Variants in HSDL2 observed in about 807,000 individuals in gnomAD.
HSDL2 encodes hydroxysteroid dehydrogenase like 2.
Under a neutral mutation model 46.3 loss-of-function variants are expected in HSDL2, and 27 were observed. The ratio of observed to expected loss-of-function variants is 0.58; its 90% CI spans 0.43 to 0.80. The LOEUF (loss-of-function observed/expected upper bound fraction) is 0.80. Ranked by LOEUF, HSDL2 falls within the 30% of genes least tolerant of loss-of-function variation. The pLI, the probability that HSDL2 is intolerant of heterozygous loss-of-function variation, is 0.00. For synonymous variants in HSDL2, 153 were observed against 163.6 expected, an observed-to-expected ratio of 0.94 and a Z score of 0.50; for missense variants, 451 against 502.7, an observed-to-expected ratio of 0.90 and a Z score of 0.98.
At chr9:112,438,339 A>C in intron 6 of HSDL2, 92 bp from the exon 7 acceptor site, 1 of 836,222 alleles carries the variant, frequency 1.2e-6, no homozygotes, top group Non-Finnish European at 1.7e-6. Context: ...TAGCCTTGAT[A>C]ATTGTGAAGG....
intron 10 of HSDL2, 130 bp downstream of exon 10, chr9:112,459,707 G>T (rs966124264): frequency 1.3e-6 from 1 of 758,314 alleles, no homozygotes; most frequent in Non-Finnish European, 2.1e-6. Context: ...TTTTGGGAAG[G>T]CTGTTCTTAC....
At chr9:112,417,477 TAAAA>T (rs71491043) in intron 5 of HSDL2, among the ~76,000 whole-genome samples, 3 of 111,106 alleles carry the variant, frequency 2.7e-5, no homozygotes, top group Non-Finnish European at 5.5e-5. Context: ...ACCCTGACTC[TAAAA>T]AAAAAAAAAA....
intron 5 of HSDL2, among the ~76,000 whole-genome samples, chr9:112,418,624 G>A (rs1323236048): frequency 6.6e-6 from 1 of 151,414 alleles, no homozygotes; most frequent in African/African-American, 2.4e-5. Flanking sequence ...ATATATGTGT[G>A]TATTACTATT....
Position 112,471,889 on chromosome 9 carries a change from T to G in HSDL2, c.*1345T>G, listed in dbSNP as rs539243389. 11 of 152,368 alleles carry G rather than the reference T, an allele frequency of 7.2e-5. No homozygotes were observed. In the East Asian group the frequency reaches 1.5e-3, roughly 21 times the overall value. 9.4% of individuals were successfully genotyped at this position (152,368 alleles called of 1,614,324 possible). A position where few individuals can be genotyped will look rare whatever the true frequency, so the allele number is the denominator to read the frequency against. ...TTGTTGTGCCATTAAGCAATTTAGC[T>G]AATCCTGACATTTCTTAGATTCATA... On this transcript the variant is annotated 3_prime_UTR_variant, in exon 11 of 11. Coordinates refer to ENST00000398805, the MANE Select transcript of HSDL2 (RefSeq NM_032303.5).
intron 9 of HSDL2, among the ~76,000 whole-genome samples, chr9:112,457,134 C>T (rs1008577998): frequency 1.5e-4 from 23 of 151,448 alleles, no homozygotes; most frequent in African/African-American, 5.1e-4. Context: ...GGCAACAGAG[C>T]GAGACTCTGA....
intron 1 of HSDL2, among the ~76,000 whole-genome samples, chr9:112,394,786 AT>A (rs1353873835): frequency 6.6e-6 from 1 of 152,144 alleles, no homozygotes; most frequent in Non-Finnish European, 1.5e-5. Flanking sequence ...AGAGGAGGGT[AT>A]TTATAACCCA....
chr9:112,438,537 A>G lies in HSDL2; in HGVS notation c.705A>G (p.Pro235=), dbSNP rs1328651066. The change falls in exon 7 of 11, where the codon CCA becomes CCG. Residue 235 remains proline (P), a synonymous_variant. Transcript: ENST00000398805. ...ADAAYSIFQK[P]KSFTGNFVID... ...CAGCATATTCCATTTTCCAAAAGCC[A>G]AAAAGTTTTACTGGCAACTTTGTCA... The G allele has an allele frequency of 6.2e-7, 1 of 1,612,618 alleles. No individual in the cohort carries two copies. Among genetic ancestry groups the G allele is most frequent in the African/African-American group, 1.3e-5 (1 of 75,034 alleles).
At chr9:112,456,882 G>T (rs569751866) in intron 9 of HSDL2, among the ~76,000 whole-genome samples, 1 of 152,206 alleles carries the variant, frequency 6.6e-6, no homozygotes, top group African/African-American at 2.4e-5. Flanking sequence ...GGAAATCCCT[G>T]GGTGGCTCGT....
intron 1 of HSDL2, among the ~76,000 whole-genome samples, chr9:112,394,639 C>A (rs983808594): frequency 6.6e-6 from 1 of 152,124 alleles, no homozygotes; most frequent in Non-Finnish European, 1.5e-5. Flanking sequence ...ATTACTCCCC[C>A]TTTCATTTGT....
chr9:112,443,957 G>T (rs1037760023), intron 8 of HSDL2, among the ~76,000 whole-genome samples: 37 of 152,162 alleles, frequency 2.4e-4, no homozygotes, highest in African/African-American at 8.7e-4. Flanking sequence ...GTGTTTACTG[G>T]CATCAGGCTT....
intron 4 of HSDL2, among the ~76,000 whole-genome samples, chr9:112,409,480 C>A (rs1171490413): frequency 6.6e-6 from 1 of 152,136 alleles, no homozygotes; most frequent in Non-Finnish European, 1.5e-5. Flanking sequence ...CATGAGCCAC[C>A]ATGCCCAGCC....
At chr9:112,457,940 A>G (rs1008853768) in intron 9 of HSDL2, among the ~76,000 whole-genome samples, 4 of 152,154 alleles carry the variant, frequency 2.6e-5, no homozygotes, top group African/African-American at 9.7e-5. Flanking sequence ...TCCATTTATT[A>G]TCTACACTGC....
At position 112,426,467 on chromosome 9, in the gene HSDL2, C is replaced by T. The variant is rs1832249139; in HGVS notation, c.598+7509C>T. Among the ~76,000 whole-genome samples the T allele has an allele frequency of 2.6e-5, 4 of 152,272 alleles. No homozygotes were observed. The South Asian group carries it at 8.3e-4, about 32-fold the overall frequency. The stretch of plus-strand genomic sequence containing the variant: ...GCCAGGCTAGTCTCAAACTCCTGAC[C>T]TCAGGTGATCCACCCGCCTTGGTCT... On this transcript the variant is annotated intron_variant, in intron 6 of 10. Transcript: ENST00000398805.
At chr9:112,407,504 C>T (rs115097408) in intron 3 of HSDL2, among the ~76,000 whole-genome samples, 2,468 of 152,196 alleles carry the variant, frequency 0.016, 61 homozygotes, top group African/African-American at 0.057. Context: ...ACAGCTTTGG[C>T]CTCCTGGGCT....
intron 4 of HSDL2, among the ~76,000 whole-genome samples, chr9:112,415,667 A>G (rs1297973055): frequency 6.6e-6 from 1 of 152,202 alleles, no homozygotes; most frequent in Non-Finnish European, 1.5e-5. Context: ...TAAGGCTAGT[A>G]TATCAAGGAT....
At chr9:112,436,393 T>C (rs1832524646) in intron 6 of HSDL2, among the ~76,000 whole-genome samples, 1 of 152,074 alleles carries the variant, frequency 6.6e-6, no homozygotes, top group African/African-American at 2.4e-5. Context: ...TGAAGGTAGA[T>C]GCCTTATGTC....
intron 1 of HSDL2, among the ~76,000 whole-genome samples, chr9:112,401,348 CTTGAG>C (rs1161241137): frequency 6.9e-6 from 1 of 143,926 alleles, no homozygotes; most frequent in Non-Finnish European, 1.5e-5. Context: ...GTCCTAGCTA[CTTGAG>C]TGGTGAGGCA....
chr9:112,404,427 G>A (rs1261316028), intron 2 of HSDL2, among the ~76,000 whole-genome samples: 5 of 152,002 alleles, frequency 3.3e-5, no homozygotes, highest in South Asian at 2.1e-4. Flanking sequence ...CCAGCTACTC[G>A]GGAGGCTGAG....
At chr9:112,452,079 T>C (rs1383574407) in intron 8 of HSDL2, among the ~76,000 whole-genome samples, 1 of 152,280 alleles carries the variant, frequency 6.6e-6, no homozygotes, top group East Asian at 1.9e-4. Flanking sequence ...AAAACAATAA[T>C]AAAACAGGCT....
Sources: allele counts gnomAD v4.1 joint callset (sites outside exome capture counted in the v4.1 genomes callset), GRCh38; gene constraint gnomAD v4.1.1; transcripts MANE v1.5; gene names NCBI Gene and HGNC (gene_info 2026-07-23, HGNC 2026-07-21).